Variants in PCDHA5 observed in about 807,000 individuals in gnomAD.
PCDHA5 encodes protocadherin alpha 5, also known as protocadherin alpha-5.
PCDHA5 carries 43 observed loss-of-function variants against 61.6 expected under a neutral mutation model. That is an observed-to-expected ratio of 0.70 (90% CI 0.55 to 0.90). The LOEUF is 0.90. Ranked by LOEUF, PCDHA5 falls within the 40% of genes least tolerant of loss-of-function variation. The pLI is 0.00. For synonymous variants in PCDHA5, 627 were observed against 543.9 expected, an observed-to-expected ratio of 1.15 and a Z score of -2.13; for missense variants, 1,298 against 1,222.7, an observed-to-expected ratio of 1.06 and a Z score of -0.92.
In PCDHA5 at chr5:141,010,099, G is replaced by T; in HGVS notation, c.*162G>T. 5 of 1,612,768 alleles carry T rather than the reference G, an allele frequency of 3.1e-6. No individual in the cohort carries two copies. The highest frequency in any genetic ancestry group is 4.2e-6 in the Non-Finnish European group (5 of 1,179,316). On this transcript the variant is annotated 3_prime_UTR_variant, in exon 4 of 4. Coordinates refer to ENST00000529859, the MANE Select transcript of PCDHA5 (RefSeq NM_018908.3). ...GTGTCTGTCTAGAACGCATTTAACA[G>T]GTTTTGTCGTAAAAGCTTTACTAAG...
chr5:140,864,709 T>C (rs2048574243), intron 1 of PCDHA5: 1 of 152,268 alleles, frequency 6.6e-6, no homozygotes, highest in South Asian at 2.1e-4. Flanking sequence ...TGTTGAGCTC[T>C]TCTACTATTT....
intron 1 of PCDHA5, chr5:140,871,350 C>T (rs782168219): frequency 5.6e-6 from 9 of 1,614,194 alleles, no homozygotes; most frequent in Non-Finnish European, 7.6e-6. Flanking sequence ...GCTGGTCATA[C>T]TCGCAGCAGA....
chr5:140,942,115 A>T (rs1440934670), intron 1 of PCDHA5, among the ~76,000 whole-genome samples: 2 of 152,232 alleles, frequency 1.3e-5, no homozygotes, highest in Non-Finnish European at 2.9e-5. Flanking sequence ...ATCAAACTTT[A>T]TTAAAGGTGA....
At chr5:140,876,282 C>T (rs1227830598) in intron 1 of PCDHA5, 3 of 1,613,872 alleles carry the variant, frequency 1.9e-6, no homozygotes, top group Admixed American at 1.7e-5. Flanking sequence ...CCGATCCAGA[C>T]GAAGGACTTA....
At position 140,929,044 on chromosome 5, in the gene PCDHA5, T is replaced by C. The variant is rs17844369; in HGVS notation, c.2353-49905T>C. ...GAGCCCAGGCTGTTGCGCTCAGAGC[T>C]GCTGTCGCTCTACAGAGGATCTGAG... On this transcript the variant is annotated intron_variant, in intron 1 of 3. Coordinates refer to ENST00000529859, the MANE Select transcript of PCDHA5 (RefSeq NM_018908.3). 7 of 1,614,100 alleles carry C rather than the reference T, an allele frequency of 4.3e-6. No individual in the cohort carries two copies. The East Asian group carries it at 1.6e-4, about 36-fold the overall frequency.
intron 1 of PCDHA5, among the ~76,000 whole-genome samples, chr5:140,896,282 A>G (rs1326876303): frequency 2.0e-5 from 3 of 152,224 alleles, no homozygotes; most frequent in Non-Finnish European, 4.4e-5. Context: ...GCTGGCTTGA[A>G]TGGTAAGTTC....
intron 1 of PCDHA5, chr5:140,865,276 A>C (rs1259929585): frequency 6.6e-6 from 1 of 152,182 alleles, no homozygotes; most frequent in African/African-American, 2.4e-5. Flanking sequence ...TTATATGTAA[A>C]ATTACTTTGC....
chr5:140,887,707 C>A (rs1554183190), intron 1 of PCDHA5, among the ~76,000 whole-genome samples: 1 of 152,132 alleles, frequency 6.6e-6, no homozygotes, highest in African/African-American at 2.4e-5. Context: ...AACCATACTT[C>A]TTCTAATAGT....
chr5:140,884,230 C>T, intron 1 of PCDHA5: 8 of 1,613,384 alleles, frequency 5.0e-6, no homozygotes, highest in Non-Finnish European at 6.8e-6. Flanking sequence ...TGAAGGACCA[C>T]GGTGAGCCCG....
intron 1 of PCDHA5, chr5:140,841,549 G>T (rs781866504): frequency 6.2e-6 from 10 of 1,613,710 alleles, no homozygotes; most frequent in East Asian, 2.2e-5. Context: ...ACCTTCTGGA[G>T]GTAAGTCTGC....
intron 1 of PCDHA5, among the ~76,000 whole-genome samples, chr5:140,898,520 G>A (rs1583310662): frequency 6.6e-6 from 1 of 152,298 alleles, no homozygotes; most frequent in East Asian, 1.9e-4. Context: ...CGTTATTTCT[G>A]AGGGCTCTGT....
intron 1 of PCDHA5, chr5:140,882,094 C>A: frequency 2.6e-6 from 3 of 1,172,678 alleles, no homozygotes; most frequent in Non-Finnish European, 3.5e-6. Flanking sequence ...TCACTGAGAA[C>A]GTTTCCGCGA....
intron 1 of PCDHA5, among the ~76,000 whole-genome samples, chr5:140,881,841 C>T (rs1386401088): frequency 6.6e-6 from 1 of 152,182 alleles, no homozygotes; most frequent in East Asian, 1.9e-4. Context: ...GCATGGAATT[C>T]TTACACATGG....
intron 1 of PCDHA5, chr5:140,968,517 C>T: frequency 6.2e-7 from 1 of 1,614,206 alleles, no homozygotes; most frequent in Non-Finnish European, 8.5e-7. Flanking sequence ...TACCCTACCT[C>T]AACCAACTCG....
rs1562356930 is a variant in PCDHA5, at chr5:140,836,340, G to A, written c.2352+12213G>A. ...CCACCGCCTTCTGGTGCTTGTGAAG[G>A]ACCACGGGGAGCCCTCGCTGACAGC... On this transcript the variant is annotated intron_variant, in intron 1 of 3. Transcript: ENST00000529859. 9.3e-6 allele frequency: 15 copies of A among 1,613,706 alleles called. 1 individual carries two copies. Among genetic ancestry groups the A allele is most frequent in the Non-Finnish European group, 1.3e-5 (15 of 1,179,826 alleles).
intron 1 of PCDHA5, among the ~76,000 whole-genome samples, chr5:140,840,723 G>A (rs2150309194): frequency 6.6e-6 from 1 of 152,104 alleles, no homozygotes; most frequent in East Asian, 1.9e-4. Flanking sequence ...ATTGAATAAA[G>A]AAAAGCAAAA....
intron 1 of PCDHA5, chr5:140,870,948 C>A (rs868931274): frequency 1.2e-6 from 2 of 1,613,466 alleles, no homozygotes; most frequent in African/African-American, 1.3e-5. Context: ...CGGCGGCGGG[C>A]GGCTCGCGCA....
chr5:140,966,984 G>C lies in PCDHA5; in HGVS notation c.2353-11965G>C, dbSNP rs1217682338. ...CTGGGGCTTGAGCTGCGGCGCTTGGGGCCGGGTTGCTTGCGCATCAACCAT... is the reference window on the plus strand; with the variant it reads ...CTGGGGCTTGAGCTGCGGCGCTTGGCGCCGGGTTGCTTGCGCATCAACCAT... On this transcript the variant is annotated intron_variant, in intron 1 of 3. Transcript: ENST00000529859. 21 of 1,603,802 alleles carry C rather than the reference G, an allele frequency of 1.3e-5. No homozygotes were observed. The East Asian group carries it at 4.5e-4, about 34-fold the overall frequency.
At chr5:140,939,428 G>A (rs1417323934) in intron 1 of PCDHA5, among the ~76,000 whole-genome samples, 2 of 152,128 alleles carry the variant, frequency 1.3e-5, no homozygotes, top group Admixed American at 6.5e-5. Flanking sequence ...TCTTCCATAA[G>A]CATTTGAAGA....
Sources: gnomAD v4.1 joint callset for allele counts (sites outside exome capture counted in the v4.1 genomes callset) on GRCh38, gnomAD v4.1.1 for gene constraint, MANE v1.5 for transcripts, NCBI Gene and HGNC (gene_info 2026-07-23, HGNC 2026-07-21) for gene names.